Variants in CENPL observed in about 807,000 individuals in gnomAD.
CENPL encodes the protein interphase centromere complex protein 33.
In CENPL, 20 loss-of-function variants were observed where a neutral mutation model predicts 35.2. The observed-to-expected ratio is 0.57, with a 90% CI of 0.40 to 0.83. The LOEUF (loss-of-function observed/expected upper bound fraction) is 0.83, where lower values mean the gene tolerates loss of function less well. Ranked by LOEUF, CENPL falls within the 40% of genes least tolerant of loss-of-function variation. The pLI, the probability that CENPL is intolerant of heterozygous loss-of-function variation, is 0.00. For missense variants in CENPL, 363 were observed against 395.8 expected (o/e 0.92, Z 0.70); for synonymous variants, 140 against 140.6 (o/e 1.00, Z 0.03).
intron 5 of CENPL, 53 bp downstream of exon 5, chr1:173,802,910 T>C (rs1481598775): frequency 1.1e-5 from 14 of 1,246,608 alleles, no homozygotes; most frequent in Non-Finnish European, 1.5e-5. Flanking sequence ...CATCATACAT[T>C]TTTAAAACCA....
chr1:173,805,485 A>T (rs1375931227), intron 4 of CENPL, among the ~76,000 whole-genome samples: 4 of 151,608 alleles, frequency 2.6e-5, no homozygotes, highest in Non-Finnish European at 5.9e-5. Flanking sequence ...ACTGCACTCC[A>T]ACCTGGTGAC....
chr1:173,809,070 G>T (rs1650542900), intron 3 of CENPL, among the ~76,000 whole-genome samples: 1 of 152,194 alleles, frequency 6.6e-6, no homozygotes, highest in Non-Finnish European at 1.5e-5. Context: ...GTCAGGCGTG[G>T]TGGCTCACAC....
chr1:173,818,972 T>G (rs1354010588), intron 2 of CENPL, among the ~76,000 whole-genome samples: 2 of 152,214 alleles, frequency 1.3e-5, no homozygotes, highest in Admixed American at 1.3e-4. Flanking sequence ...TGGTAGCTCA[T>G]GACTGTAATC....
rs1649960777 is a variant in CENPL at position 173,803,629 on chromosome 1, A to T, written c.421-124T>A. The T allele has an allele frequency of 3.6e-6, 3 of 843,026 alleles. No homozygotes were observed. In the South Asian group the frequency reaches 5.8e-5, roughly 16 times the overall value. 52.2% of individuals were successfully genotyped at this position (843,026 alleles called of 1,614,324 possible). A position where few individuals can be genotyped will look rare whatever the true frequency, so the allele number is the denominator to read the frequency against. On this transcript the variant is annotated intron_variant, in intron 4 of 5. Coordinates refer to ENST00000682279, the MANE Select transcript of CENPL (RefSeq NM_001387287.1). ...GTAATACTTGCAAAAAAAAACATAG[A>T]GGGAATAGTCTCCCTAATGATTAAC...
intron 2 of CENPL, among the ~76,000 whole-genome samples, chr1:173,815,581 A>G (rs1310533143): frequency 6.6e-6 from 1 of 152,208 alleles, no homozygotes; most frequent in Non-Finnish European, 1.5e-5. Context: ...AACAACAACA[A>G]AAACCACATG....
At position 173,811,275 on chromosome 1, in the gene CENPL, A is replaced by T. The variant is rs759355150; in HGVS notation, c.25T>A (p.Ser9Thr). 6.2e-7 allele frequency: 1 copy of T among 1,608,888 alleles called. No individual in the cohort carries two copies. Among genetic ancestry groups the T allele is most frequent in the Admixed American group, 1.7e-5 (1 of 59,898 alleles). MDSYSAPE[S>T]TPSASSRPED... ...GGTCTTGAGGATGCACTAGGAGTTG[A>T]CTCTGGTGCACTGTAAGAATCCATG... Residue 9 changes from serine (S) to threonine (T), a missense_variant, in exon 3 of 6, where the codon TCA becomes ACA. Coordinates refer to ENST00000682279, the MANE Select transcript of CENPL (RefSeq NM_001387287.1).
At chr1:173,810,446 C>G (rs1454357078) in intron 3 of CENPL, among the ~76,000 whole-genome samples, 1 of 151,956 alleles carries the variant, frequency 6.6e-6, no homozygotes, top group Non-Finnish European at 1.5e-5. Context: ...ATAATCTGTA[C>G]AACCAACCCC....
At chr1:173,819,714 G>A (rs1651761024) in intron 2 of CENPL, among the ~76,000 whole-genome samples, 1 of 151,924 alleles carries the variant, frequency 6.6e-6, no homozygotes. Flanking sequence ...TTTTGAGATG[G>A]AGTCTCACTG....
intron 2 of CENPL, among the ~76,000 whole-genome samples, chr1:173,821,350 T>A (rs1329167361): frequency 6.6e-6 from 1 of 152,222 alleles, no homozygotes. Flanking sequence ...ATGAGTGCAC[T>A]TAGCTACTTC....
At chr1:173,808,273 G>A (rs1483913814) in intron 3 of CENPL, among the ~76,000 whole-genome samples, 2 of 151,944 alleles carry the variant, frequency 1.3e-5, no homozygotes, top group African/African-American at 4.8e-5. Context: ...AGCCAGGCAT[G>A]GTGGTGTGCA....
Position 173,811,133 on chromosome 1 carries a change from T to G in CENPL, c.167A>C (p.Gln56Pro), listed in dbSNP as rs772451925. The stretch of plus-strand genomic sequence containing the variant: ...CACAAAGGGACACAAAAAGCATACC[T>G]GCAACTGCGAACACTGGGGAATTTT... The part of the protein sequence containing the change: ...RRKIPQCSQL[Q>P]EDVDPQKVAF... The change falls in exon 3 of 6, where the codon CAG (glutamine) becomes CCG (proline). Residue 56 changes from glutamine (Q) to proline (P), a missense_variant and splice_region_variant. By Grantham distance (76) the Gln-to-Pro change is moderately conservative. Coordinates refer to ENST00000682279, the MANE Select transcript of CENPL (RefSeq NM_001387287.1). 3.1e-6 allele frequency: 5 copies of G among 1,610,468 alleles called. No individual in the cohort carries two copies. Among genetic ancestry groups the G allele is most frequent in the Non-Finnish European group, 4.2e-6 (5 of 1,177,060 alleles).
At chr1:173,804,888 T>C (rs1368809915) in intron 4 of CENPL, among the ~76,000 whole-genome samples, 2 of 152,214 alleles carry the variant, frequency 1.3e-5, no homozygotes, top group African/African-American at 4.8e-5. Flanking sequence ...CTTTGTATCA[T>C]ACCCCTTCAG....
intron 2 of CENPL, among the ~76,000 whole-genome samples, chr1:173,811,726 G>T (rs1332219990): frequency 6.6e-6 from 1 of 152,208 alleles, no homozygotes; most frequent in Non-Finnish European, 1.5e-5. Context: ...AACAGCTCCG[G>T]TCTGCAGCTC....
intron 2 of CENPL, among the ~76,000 whole-genome samples, chr1:173,812,479 C>A (rs373278458): frequency 6.6e-6 from 1 of 152,218 alleles, no homozygotes; most frequent in Admixed American, 6.5e-5. Context: ...GAGGAAGGAT[C>A]AGGCAGCAAT....
intron 2 of CENPL, among the ~76,000 whole-genome samples, chr1:173,811,540 C>A (rs1247250327): frequency 6.6e-6 from 1 of 152,308 alleles, no homozygotes; most frequent in African/African-American, 2.4e-5. Context: ...AATTCAACTT[C>A]TTTTCCTCCT....
intron 2 of CENPL, chr1:173,822,045 T>C (rs1652003588): frequency 6.6e-6 from 1 of 152,164 alleles, no homozygotes; most frequent in South Asian, 2.1e-4. Context: ...CATATTCTAG[T>C]ATTTCTAACA....
chr1:173,811,027 A>G, intron 3 of CENPL, 105 bp downstream of exon 3: 1 of 912,816 alleles, frequency 1.1e-6, no homozygotes, highest in Non-Finnish European at 1.7e-6. Flanking sequence ...TTATTAGCTG[A>G]GGGGTTAAGA....
chr1:173,801,882 G>A (rs996187151), intron 5 of CENPL, among the ~76,000 whole-genome samples: 1 of 151,468 alleles, frequency 6.6e-6, no homozygotes, highest in Non-Finnish European at 1.5e-5. Flanking sequence ...AATTAGCCAG[G>A]TGTAGTGGCT....
chr1:173,802,727 T>C (rs1649864146), intron 5 of CENPL, among the ~76,000 whole-genome samples: 1 of 152,194 alleles, frequency 6.6e-6, no homozygotes, highest in Non-Finnish European at 1.5e-5. Context: ...TACTACAAAA[T>C]AATAATTCAC....
Sources: allele counts gnomAD v4.1 joint callset (sites outside exome capture counted in the v4.1 genomes callset), GRCh38; gene constraint gnomAD v4.1.1; transcripts MANE v1.5; gene names NCBI Gene and HGNC (gene_info 2026-07-23, HGNC 2026-07-21).